The following PKP2 variants were observed in gnomAD, a reference collection of about 807,000 sequenced individuals.
PKP2 encodes the protein plakophilin 2, also known as plakophilin-2.
Under a neutral mutation model 83.4 loss-of-function variants are expected in PKP2, and 73 were observed. The observed-to-expected ratio is 0.88, with a 90% CI of 0.72 to 1.06. The LOEUF is 1.06. Among genes scored for constraint, PKP2 ranks in the 50% least tolerant of loss-of-function variants. The pLI is 0.00. For missense variants in PKP2, 966 were observed against 1,065.4 expected (o/e 0.91, Z 1.30); for synonymous variants, 409 against 430.4 (o/e 0.95, Z 0.62).
intron 11 of PKP2, 139 bp downstream of exon 11, chr12:32,795,970 T>C: frequency 2.6e-6 from 2 of 779,616 alleles, no homozygotes; most frequent in Non-Finnish European, 4.6e-6. Flanking sequence ...GCTGACCAGA[T>C]GATCTGGCCT....
intron 5 of PKP2, among the ~76,000 whole-genome samples, chr12:32,846,337 G>C (rs933882902): frequency 2.6e-5 from 4 of 152,132 alleles, no homozygotes; most frequent in African/African-American, 7.2e-5. Context: ...TCACCGGGGT[G>C]GGGGGAGTGG....
Position 32,821,460 on chromosome 12 carries a change from T to A in PKP2, c.1909A>T (p.Ile637Phe). 6.2e-7 allele frequency: 1 copy of A among 1,614,048 alleles called. No individual in the cohort carries two copies. Among genetic ancestry groups the A allele is most frequent in the Non-Finnish European group, 8.5e-7 (1 of 1,179,998 alleles). ...PKGVEWLWHS[I>F]VIRMYLSLIA... ...AAGGACAGATACATCCTTATAACAATGGAATGCCACAGCCACTCCACGCCC... is the reference window on the plus strand; with the variant it reads ...AAGGACAGATACATCCTTATAACAAAGGAATGCCACAGCCACTCCACGCCC... Residue 637 changes from isoleucine (I) to phenylalanine (F), a missense_variant, in exon 9 of 13, where the codon ATT (isoleucine) becomes TTT (phenylalanine). By Grantham distance (21) the Ile-to-Phe change is conservative. Transcript: ENST00000340811.
intron 7 of PKP2, among the ~76,000 whole-genome samples, chr12:32,823,646 G>A (rs770454243): frequency 9.4e-5 from 14 of 149,456 alleles, no homozygotes; most frequent in Non-Finnish European, 1.3e-4. Context: ...TTGCTCTGTC[G>A]CCCACGCTGG....
In PKP2 at chr12:32,845,756, C is replaced by T. The variant is rs566502204; in HGVS notation, c.1379-4551G>A. Among the ~76,000 whole-genome samples the T allele has an allele frequency of 4.6e-5, 7 of 152,144 alleles. No individual in the cohort carries two copies. In the South Asian group the frequency reaches 1.5e-3, roughly 32 times the overall value. On this transcript the variant is annotated intron_variant, in intron 5 of 12. Coordinates refer to ENST00000340811, the MANE Select transcript of PKP2 (RefSeq NM_001005242.3). ...ACAAGGACAAGAAAGAAAACTGGTT[C>T]TTTTTAACCGTGTTTTTCAAAGTGG...
Position 32,821,513 on chromosome 12 carries a change from G to A in PKP2, c.1856C>T (p.Pro619Leu), listed in dbSNP as rs1056066633. ...RKVKEQYQDV[P>L]MPEEKSNPKG... ...GGGGTTGCTCTTTTCCTCCGGCATC[G>A]GCACGTCCTGGTATTGCTGACCACA... Residue 619 changes from proline to leucine, a missense_variant, in exon 9 of 13, where the codon CCG becomes CTG. Coordinates refer to ENST00000340811, the MANE Select transcript of PKP2 (RefSeq NM_001005242.3). The A allele has an allele frequency of 3.7e-6, 6 of 1,613,796 alleles. No homozygotes were observed. The highest frequency in any genetic ancestry group is 3.3e-5 in the Admixed American group (2 of 59,978).
chr12:32,885,021 C>A (rs1436624273), intron 1 of PKP2, among the ~76,000 whole-genome samples: 1 of 152,106 alleles, frequency 6.6e-6, no homozygotes, highest in African/African-American at 2.4e-5. Context: ...TCTAAAAATA[C>A]CATGCACATT....
intron 11 of PKP2, 62 bp downstream of exon 11, chr12:32,796,047 A>G: frequency 7.1e-7 from 1 of 1,409,978 alleles, no homozygotes; most frequent in Admixed American, 1.7e-5. Context: ...CAACCGGATT[A>G]TTTACACACA....
intron 9 of PKP2, among the ~76,000 whole-genome samples, chr12:32,802,943 A>T (rs1282826771): frequency 6.6e-6 from 1 of 151,970 alleles, no homozygotes; most frequent in East Asian, 1.9e-4. Flanking sequence ...ACAGGCGTGA[A>T]CCACCATGCC....
intron 9 of PKP2, among the ~76,000 whole-genome samples, chr12:32,805,163 T>C (rs975278592): frequency 6.8e-6 from 1 of 147,822 alleles, no homozygotes; most frequent in Non-Finnish European, 1.5e-5. Flanking sequence ...TTTTTTTGTC[T>C]TGTAAATTTG....
intron 5 of PKP2, among the ~76,000 whole-genome samples, chr12:32,843,642 C>T (rs1478700384): frequency 6.6e-6 from 1 of 152,118 alleles, no homozygotes; most frequent in African/African-American, 2.4e-5. Flanking sequence ...CTTGTGAGGA[C>T]TAGATTTCTG....
chr12:32,806,066 TTGA>T (rs1333940304), intron 9 of PKP2, among the ~76,000 whole-genome samples: 2 of 152,228 alleles, frequency 1.3e-5, no homozygotes, highest in African/African-American at 4.8e-5. Flanking sequence ...TGAAACCCAC[TTGA>T]TGGTGGTGGA....
intron 10 of PKP2, among the ~76,000 whole-genome samples, chr12:32,801,997 T>A (rs941286086): frequency 6.6e-6 from 1 of 152,184 alleles, no homozygotes; most frequent in Non-Finnish European, 1.5e-5. Flanking sequence ...ATATGTGTTT[T>A]TCAAATGTTC....
rs564763991 is a variant in PKP2 at position 32,838,910 on chromosome 12, A to G, written c.1556+2118T>C. ...TGCTGGGGAAGCTGGAAAATGTTTC[A>G]TAGAACATTTATGAACATTATGAAC... On this transcript the variant is annotated intron_variant, in intron 6 of 12. Coordinates refer to ENST00000340811, the MANE Select transcript of PKP2 (RefSeq NM_001005242.3). 3.3e-5 allele frequency among the ~76,000 whole-genome samples: 5 copies of G among 152,358 alleles called. No individual in the cohort carries two copies. In the East Asian group the frequency reaches 9.6e-4, roughly 29 times the overall value.
chr12:32,890,528 T>C (rs1377700105), intron 1 of PKP2, among the ~76,000 whole-genome samples: 1 of 152,256 alleles, frequency 6.6e-6, no homozygotes, highest in East Asian at 1.9e-4. Context: ...TTTCAAATGC[T>C]TAAGTTTCTT....
At chr12:32,895,964 C>T (rs1008284601) in intron 1 of PKP2, among the ~76,000 whole-genome samples, 1 of 152,240 alleles carries the variant, frequency 6.6e-6, no homozygotes, top group Non-Finnish European at 1.5e-5. Context: ...CACTCGCCTC[C>T]CACACAGGGT....
intron 6 of PKP2, among the ~76,000 whole-genome samples, chr12:32,836,724 C>T (rs557713697): frequency 2.0e-5 from 3 of 152,260 alleles, no homozygotes; most frequent in African/African-American, 4.8e-5. Flanking sequence ...TTAAGATATT[C>T]GGTAACATTC....
rs551045165 is a variant in PKP2 at position 32,796,233 on chromosome 12, T to C, written c.2233A>G (p.Ile745Val). ...TAACAGGCAGAGGCTGTAGTTTCAA[T>C]GAGAAGGTCAGTACTCGGGACTGTG... ...PDTVPSTDLL[I>V]ETTASACYTL... The change falls in exon 11 of 13, where the codon ATT (isoleucine) becomes GTT (valine). Residue 745 changes from isoleucine (I) to valine (V), a missense_variant. Ile to Val is a conservative substitution (Grantham distance 29). Coordinates refer to ENST00000340811, the MANE Select transcript of PKP2 (RefSeq NM_001005242.3). 2.1e-4 allele frequency: 340 copies of C among 1,611,544 alleles called. No homozygotes were observed. In the South Asian group the frequency reaches 2.7e-3, roughly 13 times the overall value.
In PKP2 at chr12:32,796,125, T is replaced by C; in HGVS notation, c.2341A>G (p.Ile781Val). 2 of 1,614,042 alleles carry C rather than the reference T, an allele frequency of 1.2e-6. No individual in the cohort carries two copies. Among genetic ancestry groups the C allele is most frequent in the South Asian group, 1.1e-5 (1 of 91,076 alleles). The change falls in exon 11 of 13, where the codon ATT becomes GTT. Residue 781 changes from isoleucine to valine, a missense_variant. Coordinates refer to ENST00000340811, the MANE Select transcript of PKP2 (RefSeq NM_001005242.3). ...NTGGIQKIMAISAGDAYASNK... is the reference protein window; with the variant it reads ...NTGGIQKIMAVSAGDAYASNK... Reference sequence around the variant, plus strand: ...AGGACTTACGCATCGCCTGCACTAATGGCCATAATTTTCTGGATGCCCCCG... The same window carrying C: ...AGGACTTACGCATCGCCTGCACTAACGGCCATAATTTTCTGGATGCCCCCG...
At chr12:32,823,027 G>C (rs1418613181) in intron 7 of PKP2, among the ~76,000 whole-genome samples, 1 of 152,226 alleles carries the variant, frequency 6.6e-6, no homozygotes, top group Non-Finnish European at 1.5e-5. Context: ...AGAAGCATTA[G>C]AGGGAAGTGT....
Sources: gnomAD v4.1 joint callset for allele counts (sites outside exome capture counted in the v4.1 genomes callset) on GRCh38, gnomAD v4.1.1 for gene constraint, MANE v1.5 for transcripts, NCBI Gene and HGNC (gene_info 2026-07-23, HGNC 2026-07-21) for gene names.